CLINT1: variants seen among roughly 807,000 people sequenced by gnomAD.
CLINT1 encodes the protein clathrin interacting protein localized in the trans-Golgi region.
A neutral mutation model predicts 70.4 loss-of-function variants in CLINT1; 15 were observed. The ratio of observed to expected loss-of-function variants is 0.21; its 90% confidence interval spans 0.14 to 0.33. The LOEUF (loss-of-function observed/expected upper bound fraction) is 0.33. CLINT1 is among the 10% of genes least tolerant of loss of function. CLINT1 has a pLI of 1.00. For synonymous variants in CLINT1, 227 were observed against 254.7 expected, an observed-to-expected ratio of 0.89 and a Z score of 1.04; for missense variants, 615 against 778.1, an observed-to-expected ratio of 0.79 and a Z score of 2.49.
chr5:157,836,227 G>A (rs1000597130), intron 1 of CLINT1, among the ~76,000 whole-genome samples: 1 of 152,122 alleles, frequency 6.6e-6, no homozygotes, highest in African/African-American at 2.4e-5. Flanking sequence ...CTAAGCCACG[G>A]ACAATTCATT....
rs1166110622 is a variant in CLINT1, at chr5:157,787,525, T to C, written c.*121A>G. On this transcript the variant is annotated 3_prime_UTR_variant, in exon 12 of 12. Transcript: ENST00000411809. ...TTATAAAACAGCCTTTTTGGTTCTT[T>C]ATGTAGATTTATTTTAATTACTTGA... is the stretch of plus-strand genomic sequence containing the variant. The C allele has an allele frequency of 3.3e-5, 29 of 884,800 alleles. No individual in the cohort carries two copies. Among genetic ancestry groups the C allele is most frequent in the Non-Finnish European group, 5.1e-5 (29 of 571,724 alleles). The allele number at this position is 884,800 out of a possible 1,614,324, so 54.8% of individuals were successfully genotyped here.
intron 6 of CLINT1, among the ~76,000 whole-genome samples, chr5:157,808,813 G>A (rs1449879295): frequency 6.6e-6 from 1 of 152,068 alleles, no homozygotes; most frequent in Non-Finnish European, 1.5e-5. Context: ...ATAATGAAAT[G>A]TCAAGGAAGC....
intron 1 of CLINT1, 89 bp from the exon 2 acceptor site, chr5:157,817,636 G>T (rs1762763048): frequency 6.2e-6 from 5 of 801,786 alleles, no homozygotes; most frequent in Non-Finnish European, 1.0e-5. Context: ...ACACTACTGG[G>T]TGTCCTAATG....
intron 1 of CLINT1, among the ~76,000 whole-genome samples, chr5:157,818,214 C>T (rs999924780): frequency 7.2e-5 from 11 of 152,040 alleles, no homozygotes; most frequent in African/African-American, 2.2e-4. Context: ...TGATCAAGAA[C>T]GTGGGCCTCA....
At chr5:157,848,652 C>T (rs1436453523) in intron 1 of CLINT1, among the ~76,000 whole-genome samples, 3 of 151,958 alleles carry the variant, frequency 2.0e-5, no homozygotes, top group Non-Finnish European at 4.4e-5. Context: ...TACAGGGGTG[C>T]GCCAGAATGC....
At chr5:157,847,620 G>A (rs917374553) in intron 1 of CLINT1, among the ~76,000 whole-genome samples, 48 of 152,128 alleles carry the variant, frequency 3.2e-4, no homozygotes, top group African/African-American at 2.7e-4. Flanking sequence ...CTTCAGTGAC[G>A]GACGTCACTG....
chr5:157,826,932 T>C (rs952498062), intron 1 of CLINT1, among the ~76,000 whole-genome samples: 29 of 152,166 alleles, frequency 1.9e-4, no homozygotes, highest in African/African-American at 6.8e-4. Flanking sequence ...TTCCAAATCC[T>C]GACAACTGCA....
chr5:157,816,809 T>C lies in CLINT1; in HGVS notation c.168A>G (p.Gln56=). Residue 56 remains glutamine, a synonymous_variant, in exon 3 of 12, where the codon CAA becomes CAG. Transcript: ENST00000411809. ...AAAGCATGTTCATAAGTTCTGGAAATTGTTCATACATAAATGTAGCCCTGA... is the reference window on the plus strand; with the variant it reads ...AAAGCATGTTCATAAGTTCTGGAAACTGTTCATACATAAATGTAGCCCTGA... ...EIAKATFMYE[Q]FPELMNMLWS... is the part of the protein sequence containing the mutation. 1 of 1,609,078 alleles carries C rather than the reference T, an allele frequency of 6.2e-7. No individual in the cohort carries two copies. The highest frequency in any genetic ancestry group is 1.1e-5 in the South Asian group (1 of 90,258).
intron 6 of CLINT1, 62 bp from the exon 7 acceptor site, chr5:157,806,174 A>T: frequency 2.0e-6 from 3 of 1,535,788 alleles, no homozygotes; most frequent in Non-Finnish European, 2.6e-6. Context: ...TGGGTCCCTC[A>T]GTGATTTGAG....
chr5:157,828,710 G>A (rs1763115585), intron 1 of CLINT1, among the ~76,000 whole-genome samples: 1 of 152,066 alleles, frequency 6.6e-6, no homozygotes, highest in East Asian at 1.9e-4. Flanking sequence ...AAGTATCCCT[G>A]GGCTGATTTA....
intron 6 of CLINT1, among the ~76,000 whole-genome samples, chr5:157,808,308 T>A (rs1055752589): frequency 1.3e-5 from 2 of 152,208 alleles, no homozygotes; most frequent in East Asian, 3.9e-4. Flanking sequence ...TTAGATTGTA[T>A]TTTTGTTTGG....
chr5:157,841,293 C>T (rs545067272), intron 1 of CLINT1, among the ~76,000 whole-genome samples: 4 of 150,958 alleles, frequency 2.6e-5, no homozygotes, highest in South Asian at 2.1e-4. Flanking sequence ...AGGTCAGGCA[C>T]GGTGGCTCAC....
chr5:157,789,715 C>T (rs1269546380), intron 10 of CLINT1: 3 of 667,984 alleles, frequency 4.5e-6, no homozygotes, highest in Non-Finnish European at 5.0e-6. Flanking sequence ...TCATTAGCTT[C>T]CCAAAGAGGT....
intron 1 of CLINT1, among the ~76,000 whole-genome samples, chr5:157,848,419 T>A (rs955593395): frequency 1.3e-5 from 2 of 151,872 alleles, no homozygotes; most frequent in African/African-American, 4.8e-5. Flanking sequence ...TTTTTTTTTT[T>A]ATTGAGACGC....
At chr5:157,829,672 C>T (rs254678) in intron 1 of CLINT1, among the ~76,000 whole-genome samples, 59,760 of 148,202 alleles carry the variant, frequency 0.4, 12,587 homozygotes, top group East Asian at 0.6. Context: ...TATAGGTGCA[C>T]GCCACCACAC....
rs76805817 is a variant in CLINT1, at chr5:157,844,222, A to C, written c.41+14708T>G. On this transcript the variant is annotated intron_variant, in intron 1 of 11. Transcript: ENST00000411809. ...TACTGAAATTTTGAAGACCTTTATA[A>C]TGTATTTTCCCCTCAAGTTCTCAAA... 1.4e-4 allele frequency among the ~76,000 whole-genome samples: 21 copies of C among 152,262 alleles called. 1 individual carries two copies. In the East Asian group the frequency reaches 3.1e-3, roughly 22 times the overall value.
intron 5 of CLINT1, among the ~76,000 whole-genome samples, chr5:157,810,319 C>T (rs1451896564): frequency 1.3e-5 from 2 of 152,110 alleles, no homozygotes; most frequent in Middle Eastern, 3.2e-3. Flanking sequence ...AACTGTCACG[C>T]CTCAGTATCA....
intron 1 of CLINT1, among the ~76,000 whole-genome samples, chr5:157,835,274 C>A (rs1281426041): frequency 2.0e-5 from 3 of 152,160 alleles, no homozygotes; most frequent in African/African-American, 7.2e-5. Flanking sequence ...AAGCCCTGTT[C>A]AGACATCAGT....
chr5:157,835,551 G>A (rs1011923524), intron 1 of CLINT1, among the ~76,000 whole-genome samples: 1 of 151,722 alleles, frequency 6.6e-6, no homozygotes, highest in African/African-American at 2.4e-5. Flanking sequence ...TTTCCCTCTC[G>A]GTGCCTAACA....
Sources: allele counts gnomAD v4.1 joint callset (sites outside exome capture counted in the v4.1 genomes callset), GRCh38; gene constraint gnomAD v4.1.1; transcripts MANE v1.5; gene names NCBI Gene and HGNC (gene_info 2026-07-23, HGNC 2026-07-21).